Variants in PTPRD observed in about 807,000 individuals in gnomAD.
The protein encoded by PTPRD is protein tyrosine phosphatase receptor type D, also known as receptor-type tyrosine-protein phosphatase delta.
PTPRD carries 34 observed loss-of-function variants against 214.5 expected under a neutral mutation model. The observed-to-expected ratio is 0.16, with a 90% CI of 0.12 to 0.21. The LOEUF (loss-of-function observed/expected upper bound fraction) is 0.21. PTPRD is among the 10% of genes least tolerant of loss of function. The probability of loss-of-function intolerance (pLI) is 1.00; values close to 1 mark genes in which losing one functional copy is unlikely to be tolerated. For missense variants in PTPRD, 2,545 were observed against 2,398.7 expected (o/e 1.06, Z -1.27); for synonymous variants, 1,128 against 845.7 (o/e 1.33, Z -5.79).
At chr9:9,966,576 G>T (rs189189999) in intron 4 of PTPRD, among the ~76,000 whole-genome samples, 1 of 152,234 alleles carries the variant, frequency 6.6e-6, no homozygotes, top group South Asian at 2.1e-4. Context: ...AAAAAGATAT[G>T]CCCTGCTTAT....
At chr9:8,937,418 C>T (rs1385812567) in intron 11 of PTPRD, among the ~76,000 whole-genome samples, 1 of 152,132 alleles carries the variant, frequency 6.6e-6, no homozygotes, top group Non-Finnish European at 1.5e-5. Flanking sequence ...TTCAAATTAC[C>T]TATAATCTGC....
At chr9:9,930,001 G>C (rs569224865) in intron 5 of PTPRD, among the ~76,000 whole-genome samples, 67 of 152,254 alleles carry the variant, frequency 4.4e-4, no homozygotes, top group Non-Finnish European at 8.7e-4. Context: ...CCTAGTTCAG[G>C]AGTCAGATAC....
intron 2 of PTPRD, among the ~76,000 whole-genome samples, chr9:10,462,185 A>C (rs1186126006): frequency 6.6e-6 from 1 of 152,170 alleles, no homozygotes; most frequent in East Asian, 1.9e-4. Context: ...AAAATAAGTA[A>C]ATATGTGAGC....
chr9:9,921,728 T>C (rs1177582260), intron 5 of PTPRD, among the ~76,000 whole-genome samples: 1 of 150,732 alleles, frequency 6.6e-6, no homozygotes, highest in Non-Finnish European at 1.5e-5. Context: ...GGAAAATAAT[T>C]TTTAAAAAGC....
intron 8 of PTPRD, among the ~76,000 whole-genome samples, chr9:9,481,890 T>C (rs2095428916): frequency 1.3e-5 from 2 of 152,192 alleles, no homozygotes; most frequent in Admixed American, 6.6e-5. Flanking sequence ...TCAGTTTTTA[T>C]TGCATTTTAT....
chr9:9,514,776 G>T (rs185688649), intron 8 of PTPRD, among the ~76,000 whole-genome samples: 1 of 152,088 alleles, frequency 6.6e-6, no homozygotes, highest in Admixed American at 6.6e-5. Flanking sequence ...CCTGACCGAT[G>T]GAAGCTGTAC....
In PTPRD at chr9:10,025,915, C is replaced by T. The variant is rs2096914477; in HGVS notation, c.-472+7803G>A. Among the ~76,000 whole-genome samples, 7 of 152,120 alleles carry T rather than the reference C, an allele frequency of 4.6e-5. 1 individual carries two copies. The South Asian group carries it at 1.5e-3, about 32-fold the overall frequency. Reference sequence around the variant, plus strand: ...GAAATATAAAGGGTAAGAAAAGATCCTAACCAAAGGAAGACCAGGCAGGCA... The same window carrying T: ...GAAATATAAAGGGTAAGAAAAGATCTTAACCAAAGGAAGACCAGGCAGGCA... On this transcript the variant is annotated intron_variant, in intron 4 of 45. Transcript: ENST00000381196.
At chr9:9,269,419 T>C (rs113020363) in intron 9 of PTPRD, among the ~76,000 whole-genome samples, 19 of 150,580 alleles carry the variant, frequency 1.3e-4, no homozygotes, top group Non-Finnish European at 2.8e-4. Flanking sequence ...TGTAAAGTTG[T>C]ACAGCCACTA....
At chr9:8,934,393 A>G (rs981894712) in intron 11 of PTPRD, among the ~76,000 whole-genome samples, 6 of 48,214 alleles carry the variant, frequency 1.2e-4, no homozygotes, top group African/African-American at 1.6e-4. Flanking sequence ...AATACTAATT[A>G]TGTGTGTGTG....
intron 2 of PTPRD, among the ~76,000 whole-genome samples, chr9:10,528,154 T>C (rs2054909356): frequency 1.3e-5 from 2 of 152,112 alleles, no homozygotes; most frequent in Non-Finnish European, 2.9e-5. Flanking sequence ...CTGCTCTAAA[T>C]TCCTCCAGAA....
chr9:9,153,746 T>A (rs1008922244), intron 10 of PTPRD, among the ~76,000 whole-genome samples: 1 of 152,188 alleles, frequency 6.6e-6, no homozygotes, highest in Non-Finnish European at 1.5e-5. Flanking sequence ...AATTACCTTG[T>A]AGAAAAATCA....
intron 2 of PTPRD, among the ~76,000 whole-genome samples, chr9:10,566,886 A>T (rs1446210109): frequency 6.6e-6 from 1 of 152,076 alleles, no homozygotes; most frequent in Admixed American, 6.6e-5. Context: ...TCCTCATAGG[A>T]ATAGTCTGTT....
chr9:9,774,356 C>A (rs1177209850), intron 5 of PTPRD, among the ~76,000 whole-genome samples: 2 of 152,174 alleles, frequency 1.3e-5, no homozygotes, highest in East Asian at 3.8e-4. Context: ...ATGTATTTTA[C>A]TATCTAAACA....
intron 11 of PTPRD, among the ~76,000 whole-genome samples, chr9:8,947,179 G>C (rs1194863375): frequency 6.6e-6 from 1 of 150,994 alleles, no homozygotes; most frequent in Non-Finnish European, 1.5e-5. Flanking sequence ...AATTACTATG[G>C]TAGGTTGGGC....
chr9:8,471,163 A>G, intron 30 of PTPRD, 78 bp from the exon 31 acceptor site: 1 of 1,253,896 alleles, frequency 8.0e-7, no homozygotes, highest in Admixed American at 1.7e-5. Context: ...CCTTCCACAG[A>G]CCAATGAGGT....
In PTPRD at chr9:8,723,849, C is replaced by G. The variant is rs12682840; in HGVS notation, c.64+9931G>C. Among the ~76,000 whole-genome samples the G allele has an allele frequency of 7.7e-4, 118 of 152,268 alleles. No individual in the cohort carries two copies. In the East Asian group the frequency reaches 0.022, roughly 29 times the overall value. ...TTTGTTATACTTTCCGTATTTTTAG[C>G]TTAAAAGGAATAGATTGTGTGCTAT... On this transcript the variant is annotated intron_variant, in intron 12 of 45. Transcript: ENST00000381196.
chr9:8,333,160 TG>T (rs752075805), intron 43 of PTPRD, among the ~76,000 whole-genome samples: 1 of 152,182 alleles, frequency 6.6e-6, no homozygotes, highest in Non-Finnish European at 1.5e-5. Flanking sequence ...GAAAACTATT[TG>T]GCCCCATAAG....
At chr9:9,381,658 C>T (rs542650727) in intron 9 of PTPRD, among the ~76,000 whole-genome samples, 1 of 150,834 alleles carries the variant, frequency 6.6e-6, no homozygotes, top group South Asian at 2.1e-4. Flanking sequence ...CAGACAGCTA[C>T]ACTTGTAAAA....
rs554139360 is a variant in PTPRD, at chr9:9,689,339, T to G, written c.-287+45194A>C. 6.6e-5 allele frequency among the ~76,000 whole-genome samples: 10 copies of G among 152,022 alleles called. No homozygotes were observed. The East Asian group carries it at 1.7e-3, about 26-fold the overall frequency. ...AGAAATAACAGTCTAGAATAAAATA[T>G]GGAATTAATGTCAATTAAATATATA... On this transcript the variant is annotated intron_variant, in intron 7 of 45. Coordinates refer to ENST00000381196, the MANE Select transcript of PTPRD (RefSeq NM_002839.4).
Sources: allele counts gnomAD v4.1 joint callset (sites outside exome capture counted in the v4.1 genomes callset), GRCh38; gene constraint gnomAD v4.1.1; transcripts MANE v1.5; gene names NCBI Gene and HGNC (gene_info 2026-07-23, HGNC 2026-07-21).